Variants in PXDNL observed in about 807,000 individuals in gnomAD.
The protein encoded by PXDNL is probable oxidoreductase PXDNL.
A neutral mutation model predicts 150.8 loss-of-function variants in PXDNL; 145 were observed. The ratio of observed to expected loss-of-function variants is 0.96; its 90% CI spans 0.84 to 1.10. The LOEUF (loss-of-function observed/expected upper bound fraction) is 1.10. PXDNL is among the 50% of genes least tolerant of loss of function. The probability of loss-of-function intolerance (pLI) is 0.00; values close to 1 mark genes in which losing one functional copy is unlikely to be tolerated. For synonymous variants in PXDNL, 757 were observed against 725.7 expected (o/e 1.04, Z -0.69); for missense variants, 2,087 against 1,873.9 (o/e 1.11, Z -2.10).
chr8:51,642,487 A>G (rs1217672585), intron 2 of PXDNL, among the ~76,000 whole-genome samples: 1 of 152,242 alleles, frequency 6.6e-6, no homozygotes, highest in Non-Finnish European at 1.5e-5. Flanking sequence ...GACAAAATTC[A>G]ACAGCCCTTC....
At chr8:51,567,308 TG>T (rs1812848799) in intron 3 of PXDNL, among the ~76,000 whole-genome samples, 1 of 151,170 alleles carries the variant, frequency 6.6e-6, no homozygotes, top group Non-Finnish European at 1.5e-5. Context: ...GTGATGGTGC[TG>T]TTCAGTTCAA....
chr8:51,525,324 A>C (rs1811747075), intron 4 of PXDNL, among the ~76,000 whole-genome samples: 1 of 152,214 alleles, frequency 6.6e-6, no homozygotes, highest in Admixed American at 6.5e-5. Context: ...CAAAGCTGTT[A>C]AAATGATAAA....
At chr8:51,449,677 T>C (rs1809759251) in intron 10 of PXDNL, among the ~76,000 whole-genome samples, 1 of 152,228 alleles carries the variant, frequency 6.6e-6, no homozygotes, top group Admixed American at 6.5e-5. Flanking sequence ...AAATAGCTAA[T>C]AGCTGCATAT....
At chr8:51,391,593 G>T (rs559005492) in intron 17 of PXDNL, among the ~76,000 whole-genome samples, 1 of 152,152 alleles carries the variant, frequency 6.6e-6, no homozygotes, top group African/African-American at 2.4e-5. Context: ...GGGGTTGTTT[G>T]TTTTTTTCTT....
chr8:51,587,213 A>C (rs923593795), intron 3 of PXDNL, among the ~76,000 whole-genome samples: 1 of 152,192 alleles, frequency 6.6e-6, no homozygotes, highest in African/African-American at 2.4e-5. Flanking sequence ...AATAATGAAC[A>C]TTGCAAATGC....
intron 2 of PXDNL, among the ~76,000 whole-genome samples, chr8:51,599,487 A>G (rs1170469267): frequency 6.6e-6 from 1 of 151,374 alleles, no homozygotes; most frequent in East Asian, 1.9e-4. Flanking sequence ...AGTCATTCAG[A>G]AACAAGTTGT....
chr8:51,752,626 G>A (rs2037057668), intron 1 of PXDNL, among the ~76,000 whole-genome samples: 1 of 150,896 alleles, frequency 6.6e-6, no homozygotes, highest in Non-Finnish European at 1.5e-5. Context: ...AGGATGTGGG[G>A]TGGGTTTGGG....
chr8:51,636,346 A>G (rs1292804067), intron 2 of PXDNL, among the ~76,000 whole-genome samples: 1 of 152,180 alleles, frequency 6.6e-6, no homozygotes, highest in Non-Finnish European at 1.5e-5. Context: ...AGTTCTAGCC[A>G]GAGCAGTTAG....
At chr8:51,377,460 C>T (rs1260615562) in intron 17 of PXDNL, among the ~76,000 whole-genome samples, 3 of 152,198 alleles carry the variant, frequency 2.0e-5, no homozygotes, top group Non-Finnish European at 4.4e-5. Context: ...TGTGGGAACC[C>T]CTCTCTGAGC....
At chr8:51,565,307 T>TAAAC (rs1812797753) in intron 3 of PXDNL, among the ~76,000 whole-genome samples, 1 of 136,644 alleles carries the variant, frequency 7.3e-6, no homozygotes, top group Non-Finnish European at 1.5e-5. Flanking sequence ...AATAAATAAA[T>TAAAC]AAATAAATAA....
intron 2 of PXDNL, among the ~76,000 whole-genome samples, chr8:51,607,638 C>T (rs1296554682): frequency 6.7e-6 from 1 of 148,992 alleles, no homozygotes; most frequent in Non-Finnish European, 1.5e-5. Flanking sequence ...GTCAGGAGTT[C>T]GAGACAAGCC....
intron 8 of PXDNL, among the ~76,000 whole-genome samples, chr8:51,471,965 C>T (rs573475359): frequency 1.1e-4 from 16 of 152,306 alleles, no homozygotes; most frequent in African/African-American, 3.8e-4. Flanking sequence ...GCTGGGATTA[C>T]AGGCATGAGC....
At chr8:51,490,027 G>A (rs1810853442) in intron 5 of PXDNL, among the ~76,000 whole-genome samples, 1 of 152,070 alleles carries the variant, frequency 6.6e-6, no homozygotes, top group Non-Finnish European at 1.5e-5. Flanking sequence ...AGGGGTCTCT[G>A]GTGTAAAAGA....
chr8:51,512,325 T>C (rs1811440275), intron 4 of PXDNL, among the ~76,000 whole-genome samples: 1 of 152,148 alleles, frequency 6.6e-6, no homozygotes, highest in African/African-American at 2.4e-5. Flanking sequence ...AGACCTGACA[T>C]GACACGGATG....
At chr8:51,325,026 C>G (rs536826682) in intron 21 of PXDNL, among the ~76,000 whole-genome samples, 3 of 152,038 alleles carry the variant, frequency 2.0e-5, no homozygotes, top group Admixed American at 2.0e-4. Flanking sequence ...CCACCACACC[C>G]GGCTAATTTT....
In PXDNL at chr8:51,726,778, A is replaced by T. The variant is rs533333819; in HGVS notation, c.165-72018T>A. Among the ~76,000 whole-genome samples the T allele has an allele frequency of 1.7e-3, 260 of 152,336 alleles. 1 individual carries two copies. The highest frequency in any genetic ancestry group is 2.7e-3 in the Non-Finnish European group (186 of 68,028). On this transcript the variant is annotated intron_variant, in intron 1 of 22. Coordinates refer to ENST00000356297, the MANE Select transcript of PXDNL (RefSeq NM_144651.5). Reference sequence around the variant, plus strand: ...ACATTGAGCCACTAAAAGCTTATTTAAAAAAATCTAGGATTTGAAAAAAAT... The same window carrying T: ...ACATTGAGCCACTAAAAGCTTATTTTAAAAAATCTAGGATTTGAAAAAAAT...
chr8:51,502,264 C>T (rs542855338), intron 4 of PXDNL, among the ~76,000 whole-genome samples: 7 of 152,278 alleles, frequency 4.6e-5, no homozygotes, highest in East Asian at 1.9e-4. Context: ...AAGTGGGGGG[C>T]GGCCGTGCAC....
chr8:51,540,582 T>C (rs1243193929), intron 4 of PXDNL, among the ~76,000 whole-genome samples: 1 of 152,220 alleles, frequency 6.6e-6, no homozygotes, highest in African/African-American at 2.4e-5. Context: ...ATATATTTTA[T>C]ATGACTTAAA....
At chr8:51,556,057 A>G (rs1409624421) in intron 4 of PXDNL, among the ~76,000 whole-genome samples, 1 of 152,042 alleles carries the variant, frequency 6.6e-6, no homozygotes, top group African/African-American at 2.4e-5. Context: ...AGATCTCTTG[A>G]GGCCAAAAGT....
Sources: gnomAD v4.1 joint callset for allele counts (sites outside exome capture counted in the v4.1 genomes callset) on GRCh38, gnomAD v4.1.1 for gene constraint, MANE v1.5 for transcripts, NCBI Gene and HGNC (gene_info 2026-07-23, HGNC 2026-07-21) for gene names.